Variants in DCUN1D1 observed in about 807,000 individuals in gnomAD.
DCUN1D1 encodes defective in cullin neddylation 1 domain containing 1.
Under a neutral mutation model 39.0 loss-of-function variants are expected in DCUN1D1, and 3 were observed. That is an observed-to-expected ratio of 0.08 (90% CI 0.04 to 0.20). The LOEUF is 0.20. DCUN1D1 is among the 10% of genes least tolerant of loss of function. DCUN1D1 has a pLI of 1.00. For missense variants in DCUN1D1, 158 were observed against 302.4 expected, an observed-to-expected ratio of 0.52 and a Z score of 3.54; for synonymous variants, 82 against 96.3, an observed-to-expected ratio of 0.85 and a Z score of 0.87.
rs1054615430 is a variant in DCUN1D1 at position 182,945,211 on chromosome 3, G to A, written c.701-38C>T. ...AAAAATATGAAAGAAAGAGAAGGGG[G>A]AAAAAAGCAGAAATAAGGCTAACAT... On this transcript the variant is annotated intron_variant, in intron 6 of 6. Coordinates refer to ENST00000292782, the MANE Select transcript of DCUN1D1 (RefSeq NM_020640.4). 6.8e-6 allele frequency: 10 copies of A among 1,464,474 alleles called. No individual in the cohort carries two copies. In the African/African-American group the frequency reaches 8.5e-5, roughly 12 times the overall value. The allele number at this position is 1,464,474 out of a possible 1,614,324, so 90.7% of individuals were successfully genotyped here. A position where few individuals can be genotyped will look rare whatever the true frequency, so the allele number is the denominator to read the frequency against.
rs367888827 is a variant in DCUN1D1 at position 182,961,361 on chromosome 3, G to T, written c.390-5C>A. On this transcript the variant is annotated splice_region_variant and splice_polypyrimidine_tract_variant and intron_variant, in intron 3 of 6. Transcript: ENST00000292782. ...AGTTTTTCTATGCTGTCACATCTGC[G>T]TCGTAAAATTAAGTTTATAAAAGAT... The T allele has an allele frequency of 1.3e-5, 20 of 1,579,728 alleles. No individual in the cohort carries two copies. The South Asian group carries it at 2.0e-4, about 16-fold the overall frequency.
chr3:182,972,675 A>C (rs1317729717), intron 1 of DCUN1D1, among the ~76,000 whole-genome samples: 2 of 152,104 alleles, frequency 1.3e-5, no homozygotes, highest in African/African-American at 4.8e-5. Flanking sequence ...CAGAAAGTTG[A>C]GGCTGCAATG....
At chr3:182,956,759 T>C (rs1025336808) in intron 4 of DCUN1D1, among the ~76,000 whole-genome samples, 54 of 152,334 alleles carry the variant, frequency 3.5e-4, no homozygotes, top group African/African-American at 1.3e-3. Flanking sequence ...TTTAGTCTAA[T>C]AAAAGTTCAG....
chr3:182,957,958 A>ACAG (rs1384450112), intron 4 of DCUN1D1, among the ~76,000 whole-genome samples: 12 of 151,184 alleles, frequency 7.9e-5, no homozygotes, highest in Non-Finnish European at 1.6e-4. Context: ...AAAAAAAAAA[A>ACAG]AAACAGAAAC....
chr3:182,942,142 C>T lies in DCUN1D1; in HGVS notation c.*2952G>A, dbSNP rs2108615754. On this transcript the variant is annotated 3_prime_UTR_variant, in exon 7 of 7. Coordinates refer to ENST00000292782, the MANE Select transcript of DCUN1D1 (RefSeq NM_020640.4). ...AACTTTTTAAAAGTCTAAGGAAGGA[C>T]ATGTACTTATAATGCCATATTATGC... The T allele has an allele frequency of 6.6e-6, 1 of 152,134 alleles. No individual in the cohort carries two copies. The highest frequency in any genetic ancestry group is 2.1e-4 in the South Asian group (1 of 4,826). The allele number at this position is 152,134 out of a possible 1,614,324, so 9.4% of individuals were successfully genotyped here.
At chr3:182,959,520 A>AAC (rs1553841986) in intron 4 of DCUN1D1, among the ~76,000 whole-genome samples, 4 of 151,192 alleles carry the variant, frequency 2.6e-5, no homozygotes, top group Non-Finnish European at 5.9e-5. Flanking sequence ...AAAAAAAAAA[A>AAC]AAAAAACCTC....
intron 1 of DCUN1D1, among the ~76,000 whole-genome samples, chr3:182,979,575 G>T (rs956238343): frequency 6.1e-5 from 9 of 147,128 alleles, no homozygotes; most frequent in Non-Finnish European, 1.0e-4. Context: ...GACCACAAGG[G>T]TCTGCAAGCC....
At position 182,943,481 on chromosome 3, in the gene DCUN1D1, CTA is replaced by C. The variant is rs1446928105; in HGVS notation, c.*1611_*1612del. On this transcript the variant is annotated 3_prime_UTR_variant, in exon 7 of 7. Transcript: ENST00000292782. The stretch of plus-strand genomic sequence containing the variant: ...ATGTCTATAGGGAAAGCTTTCTAGT[CTA>C]TTTCAAAATCATGTAAAAAGCAGTT... 2.0e-5 allele frequency: 3 copies of C among 152,490 alleles called. No individual in the cohort carries two copies. Among genetic ancestry groups the C allele is most frequent in the African/African-American group, 7.2e-5 (3 of 41,434 alleles). 9.4% of individuals were successfully genotyped at this position (152,490 alleles called of 1,614,324 possible).
chr3:182,971,587 A>AG (rs1433720250), intron 1 of DCUN1D1, among the ~76,000 whole-genome samples: 6 of 148,898 alleles, frequency 4.0e-5, no homozygotes, highest in African/African-American at 1.5e-4. Context: ...AAAAAAAAAA[A>AG]CAAAAAAAAA....
intron 2 of DCUN1D1, 128 bp from the exon 3 acceptor site, chr3:182,964,177 A>C (rs1003131580): frequency 3.1e-5 from 20 of 649,028 alleles, no homozygotes; most frequent in Non-Finnish European, 4.9e-5. Flanking sequence ...AAACGATATT[A>C]CTCTAACATA....
intron 6 of DCUN1D1, among the ~76,000 whole-genome samples, chr3:182,945,553 C>T (rs758104959): frequency 5.9e-4 from 90 of 152,012 alleles, no homozygotes; most frequent in Admixed American, 7.2e-4. Context: ...AGTGAGATCG[C>T]GCCACTGCAC....
At chr3:182,953,679 C>A (rs1369551562) in intron 4 of DCUN1D1, among the ~76,000 whole-genome samples, 8 of 152,100 alleles carry the variant, frequency 5.3e-5, no homozygotes, top group Non-Finnish European at 1.2e-4. Flanking sequence ...CTATTAGATT[C>A]TGAAGCAGTA....
chr3:182,950,344 C>T (rs747387296), intron 4 of DCUN1D1, among the ~76,000 whole-genome samples: 1 of 151,960 alleles, frequency 6.6e-6, no homozygotes, highest in Non-Finnish European at 1.5e-5. Flanking sequence ...GACGGAGTTT[C>T]ACTACGTTGG....
chr3:182,945,617 C>T (rs1726357127), intron 6 of DCUN1D1, among the ~76,000 whole-genome samples: 1 of 148,478 alleles, frequency 6.7e-6, no homozygotes, highest in Middle Eastern at 3.4e-3. Context: ...AACAAACAAA[C>T]AAAAAACTGG....
chr3:182,950,454 A>C (rs1726657321), intron 4 of DCUN1D1, among the ~76,000 whole-genome samples: 1 of 151,836 alleles, frequency 6.6e-6, no homozygotes, highest in South Asian at 2.1e-4. Flanking sequence ...CCAAGTTATC[A>C]CTTATCTTTT....
chr3:182,979,077 G>C (rs1255309022), intron 1 of DCUN1D1, among the ~76,000 whole-genome samples: 1 of 152,172 alleles, frequency 6.6e-6, no homozygotes, highest in African/African-American at 2.4e-5. Flanking sequence ...TAATGTCTAT[G>C]ACCATCTAAA....
At chr3:182,977,179 AC>A in intron 1 of DCUN1D1, among the ~76,000 whole-genome samples, 1 of 152,320 alleles carries the variant, frequency 6.6e-6, no homozygotes, top group Middle Eastern at 3.4e-3. Flanking sequence ...GAAATGGTAG[AC>A]CAGGAGAAAA....
chr3:182,976,517 C>T (rs1406518669), intron 1 of DCUN1D1, among the ~76,000 whole-genome samples: 6 of 151,510 alleles, frequency 4.0e-5, no homozygotes, highest in Non-Finnish European at 7.4e-5. Context: ...CTCACTGTTC[C>T]TCAAGATTTC....
At chr3:182,959,501 C>CAAAAAAAAA (rs11373344) in intron 4 of DCUN1D1, among the ~76,000 whole-genome samples, 22 of 81,152 alleles carry the variant, frequency 2.7e-4, no homozygotes, top group South Asian at 1.2e-3. Flanking sequence ...CTTCAAAAAC[C>CAAAAAAAAA]AAAAAAAAAA....
Sources: allele counts gnomAD v4.1 joint callset (sites outside exome capture counted in the v4.1 genomes callset), GRCh38; gene constraint gnomAD v4.1.1; transcripts MANE v1.5; gene names NCBI Gene and HGNC (gene_info 2026-07-23, HGNC 2026-07-21).